Variants in CSMD1 observed in about 807,000 individuals in gnomAD.
The protein encoded by CSMD1 is CUB and sushi domain-containing protein 1.
In CSMD1, 213 loss-of-function variants were observed where a neutral mutation model predicts 417.5. That is an observed-to-expected ratio of 0.51 (90% CI 0.46 to 0.57). The LOEUF is 0.57. Among genes scored for constraint, CSMD1 ranks in the 20% least tolerant of loss-of-function variants. The pLI is 0.00. For synonymous variants in CSMD1, 2,862 were observed against 1,736.8 expected, an observed-to-expected ratio of 1.65 and a Z score of -16.11; for missense variants, 6,923 against 4,529.7, an observed-to-expected ratio of 1.53 and a Z score of -15.17.
At chr8:4,099,175 AAC>A (rs950640142) in intron 3 of CSMD1, among the ~76,000 whole-genome samples, 2 of 149,158 alleles carry the variant, frequency 1.3e-5, no homozygotes, top group Non-Finnish European at 3.0e-5. Flanking sequence ...TATTTATCTG[AAC>A]ACACACACAT....
At chr8:4,213,376 G>C (rs937238168) in intron 3 of CSMD1, among the ~76,000 whole-genome samples, 2 of 152,252 alleles carry the variant, frequency 1.3e-5, no homozygotes, top group East Asian at 1.9e-4. Context: ...GCTATTCTTT[G>C]AAATTTACAT....
intron 3 of CSMD1, among the ~76,000 whole-genome samples, chr8:4,130,277 G>A (rs9693752): frequency 0.11 from 16,773 of 152,098 alleles, 1,111 homozygotes; most frequent in East Asian, 0.3. Flanking sequence ...TCATGCAAAC[G>A]ATTAGTTTAA....
intron 1 of CSMD1, among the ~76,000 whole-genome samples, chr8:4,776,453 G>C (rs1407216299): frequency 6.6e-6 from 1 of 152,114 alleles, no homozygotes; most frequent in East Asian, 1.9e-4. Flanking sequence ...ATATTAGGCA[G>C]CACTCGGGCT....
chr8:3,343,104 T>C (rs71521841), intron 23 of CSMD1, among the ~76,000 whole-genome samples, 190 bp downstream of exon 23: 18,433 of 152,142 alleles, frequency 0.12, 1,600 homozygotes, highest in African/African-American at 0.24. Context: ...TATTTCCAAA[T>C]AGATAAATTT....
intron 1 of CSMD1, among the ~76,000 whole-genome samples, chr8:4,986,306 G>C (rs368202571): frequency 1.2e-4 from 18 of 152,258 alleles, no homozygotes; most frequent in African/African-American, 3.6e-4. Flanking sequence ...GGAATGATGA[G>C]AGTCCCCGAC....
Position 3,414,185 on chromosome 8 carries a change from T to C in CSMD1, c.1562-4580A>G, listed in dbSNP as rs1205271574. Among the ~76,000 whole-genome samples the C allele has an allele frequency of 7.7e-5, 6 of 77,714 alleles. No homozygotes were observed. The East Asian group carries it at 2.1e-3, about 27-fold the overall frequency. The allele number at this position is 77,714 out of a possible 152,430, so 51.0% of individuals were successfully genotyped here. Reference sequence around the variant, plus strand: ...AAGAAGCAAACACTATGATTTGGTATCAATTCAAAGACTGATGCACCTAAA... The same window carrying C: ...AAGAAGCAAACACTATGATTTGGTACCAATTCAAAGACTGATGCACCTAAA... On this transcript the variant is annotated intron_variant, in intron 12 of 69. Transcript: ENST00000635120.
At chr8:3,240,565 G>C (rs1440955286) in intron 26 of CSMD1, among the ~76,000 whole-genome samples, 3 of 152,002 alleles carry the variant, frequency 2.0e-5, no homozygotes, top group Non-Finnish European at 4.4e-5. Flanking sequence ...GAAATAATGG[G>C]GGCTGTCTGT....
chr8:3,866,655 A>T (rs1439845617), intron 5 of CSMD1, among the ~76,000 whole-genome samples: 3 of 129,184 alleles, frequency 2.3e-5, no homozygotes, highest in Admixed American at 8.0e-5. Context: ...TTCAGGAAAT[A>T]ATAAGCTTAT....
chr8:4,546,071 C>A (rs1797617177), intron 2 of CSMD1, among the ~76,000 whole-genome samples: 1 of 152,168 alleles, frequency 6.6e-6, no homozygotes, highest in Non-Finnish European at 1.5e-5. Context: ...TCAACTTCAT[C>A]AGACACCCTC....
At chr8:4,069,378 T>G (rs996766399) in intron 3 of CSMD1, among the ~76,000 whole-genome samples, 1 of 152,266 alleles carries the variant, frequency 6.6e-6, no homozygotes, top group Non-Finnish European at 1.5e-5. Flanking sequence ...TTTTACTTTA[T>G]GCTTTCGTCT....
chr8:3,448,773 C>G (rs904824671), intron 12 of CSMD1, among the ~76,000 whole-genome samples: 4 of 152,178 alleles, frequency 2.6e-5, no homozygotes, highest in African/African-American at 9.6e-5. Flanking sequence ...GCTTTAGACA[C>G]TTCAGGCAAT....
chr8:4,574,324 T>C (rs1009871774), intron 2 of CSMD1, among the ~76,000 whole-genome samples: 6 of 152,174 alleles, frequency 3.9e-5, no homozygotes, highest in Non-Finnish European at 7.3e-5. Context: ...CTGGGCTGGA[T>C]AGCACCATCC....
intron 6 of CSMD1, among the ~76,000 whole-genome samples, chr8:3,725,580 G>A (rs943549535): frequency 1.3e-5 from 2 of 152,126 alleles, no homozygotes; most frequent in Non-Finnish European, 2.9e-5. Context: ...CAGTTGAGGA[G>A]AGAGGAAGCC....
rs148994319 is a variant in CSMD1 at position 4,747,711 on chromosome 8, T to C, written c.86-110153A>G. The stretch of plus-strand genomic sequence containing the variant: ...GCTTTTCCACCTACCATCATCCTGG[T>C]CTCTAGATGAATGAGATGCCAATGT... On this transcript the variant is annotated intron_variant, in intron 1 of 69. Transcript: ENST00000635120. 5.9e-5 allele frequency among the ~76,000 whole-genome samples: 9 copies of C among 152,216 alleles called. No individual in the cohort carries two copies. In the East Asian group the frequency reaches 1.7e-3, roughly 29 times the overall value.
At chr8:3,600,265 T>G (rs1242839767) in intron 8 of CSMD1, among the ~76,000 whole-genome samples, 2 of 152,206 alleles carry the variant, frequency 1.3e-5, no homozygotes, top group Non-Finnish European at 1.5e-5. Context: ...GAAGCTTAGG[T>G]AAAATTCCTC....
rs933846352 is a variant in CSMD1, at chr8:3,605,083, C to T, written c.1097+11627G>A. On this transcript the variant is annotated intron_variant, in intron 8 of 69. Transcript: ENST00000635120. ...CATCTCGGCTTACTGCAACCTCAGCCTCCCAGGTTCAAGTGATTCTCCTGC... is the reference window on the plus strand; with the variant it reads ...CATCTCGGCTTACTGCAACCTCAGCTTCCCAGGTTCAAGTGATTCTCCTGC... Among the ~76,000 whole-genome samples, 13 of 152,286 alleles carry T rather than the reference C, an allele frequency of 8.5e-5. 2 individuals carry two copies. In the South Asian group the frequency reaches 2.1e-3, roughly 24 times the overall value.
chr8:4,728,556 T>C (rs1020191929), intron 1 of CSMD1, among the ~76,000 whole-genome samples: 1 of 152,176 alleles, frequency 6.6e-6, no homozygotes, highest in Non-Finnish European at 1.5e-5. Flanking sequence ...TTTGGAGCTC[T>C]TCATGTCTTT....
chr8:3,944,088 G>C (rs906348204), intron 5 of CSMD1, among the ~76,000 whole-genome samples: 1 of 152,116 alleles, frequency 6.6e-6, no homozygotes, highest in Admixed American at 6.6e-5. Context: ...TATACAGTGA[G>C]AAAGAATAAA....
At chr8:4,313,873 G>C (rs888865300) in intron 3 of CSMD1, among the ~76,000 whole-genome samples, 4 of 152,002 alleles carry the variant, frequency 2.6e-5, no homozygotes, top group African/African-American at 9.7e-5. Context: ...AATTAGCTAG[G>C]CATGGTGGTG....
Sources: allele counts gnomAD v4.1 joint callset (sites outside exome capture counted in the v4.1 genomes callset), GRCh38; gene constraint gnomAD v4.1.1; transcripts MANE v1.5; gene names NCBI Gene and HGNC (gene_info 2026-07-23, HGNC 2026-07-21).